The following TSPOAP1 variants were observed in gnomAD, a reference collection of about 807,000 sequenced individuals.
TSPOAP1 encodes the protein TSPO associated protein 1, also known as peripheral-type benzodiazepine receptor-associated protein 1.
Under a neutral mutation model 197.0 loss-of-function variants are expected in TSPOAP1, and 87 were observed. The ratio of observed to expected loss-of-function variants is 0.44; its 90% CI spans 0.37 to 0.53. The LOEUF is 0.53. Ranked by LOEUF, TSPOAP1 falls within the 20% of genes least tolerant of loss-of-function variation. TSPOAP1 has a pLI of 0.00. For missense variants in TSPOAP1, 2,174 were observed against 2,411.3 expected (o/e 0.90, Z 2.06); for synonymous variants, 913 against 998.9 (o/e 0.91, Z 1.62).
rs115818096 is a variant in TSPOAP1 at position 58,309,457 on chromosome 17, T to C, written c.3892-77A>G. ...TGGGGAAGAGGAGAGCGAGCTGCGA[T>C]CTTTGCCCTCAAACGAAGGCAGGGG... On this transcript the variant is annotated intron_variant, in intron 21 of 31. Transcript: ENST00000343736. This position sits in a 1 kb window ranked among gnomAD's most constrained non-coding sequence, Gnocchi z 5.0. 2,241 of 1,510,896 alleles carry C rather than the reference T, an allele frequency of 1.5e-3. 16 individuals carry two copies. In the African/African-American group the frequency reaches 0.023, roughly 16 times the overall value. 93.6% of individuals were successfully genotyped at this position (1,510,896 alleles called of 1,614,324 possible).
Position 58,309,314 on chromosome 17 carries a change from G to A in TSPOAP1, c.3958C>T (p.Pro1320Ser). The A allele has an allele frequency of 1.2e-6, 2 of 1,613,644 alleles. No individual in the cohort carries two copies. Among genetic ancestry groups the A allele is most frequent in the African/African-American group, 1.3e-5 (1 of 75,046 alleles). The change falls in exon 22 of 32, where the codon CCC (proline) becomes TCC (serine). Residue 1320 changes from proline (P) to serine (S), a missense_variant. Pro to Ser is a moderately conservative substitution (Grantham distance 74, BLOSUM62 -1). This residue lies in a region of TSPOAP1 where 1,933 missense variants were observed against 2,139.0 expected (regional missense o/e 0.90). Coordinates refer to ENST00000343736, the MANE Select transcript of TSPOAP1 (RefSeq NM_004758.4). The surrounding 1 kb of genome is among the most constrained non-coding windows in gnomAD (Gnocchi z 5.0). ...TTCTTGCTACAGAACTGCTGGAGGGGCAGCTCCAGGATCTGCTCCAAGATC... is the reference window on the plus strand; with the variant it reads ...TTCTTGCTACAGAACTGCTGGAGGGACAGCTCCAGGATCTGCTCCAAGATC... ...EEILEQILELPLQQFCSKKLF... is the reference protein window; with the variant it reads ...EEILEQILELSLQQFCSKKLF...
At chr17:58,318,553 C>T (rs1971308943) in intron 13 of TSPOAP1, 101 bp from the exon 14 acceptor site, 11 of 1,193,650 alleles carry the variant, frequency 9.2e-6, no homozygotes, top group East Asian at 2.6e-5. Flanking sequence ...CCTCCATAGC[C>T]GGGCTTCCTT....
intron 26 of TSPOAP1, among the ~76,000 whole-genome samples, chr17:58,306,121 C>T (rs920108520): frequency 1.6e-4 from 25 of 152,308 alleles, no homozygotes; most frequent in African/African-American, 5.8e-4. Context: ...TCATCCCCAC[C>T]GGAACAAAGC....
intron 16 of TSPOAP1, 61 bp downstream of exon 16, chr17:58,315,962 T>C: frequency 7.8e-7 from 1 of 1,287,062 alleles, no homozygotes; most frequent in Non-Finnish European, 1.1e-6. Context: ...GATATCCGTC[T>C]TTGGGAACAT....
rs1243809216 is a variant in TSPOAP1 at position 58,327,657 on chromosome 17, G to A, written c.264C>T (p.Gly88=). The change falls in exon 1 of 32, where the codon GGC becomes GGT. Residue 88 remains glycine (G), a synonymous_variant. Transcript: ENST00000343736. The stretch of plus-strand genomic sequence containing the variant: ...CGGGTCCAGAGCTGGATGCTTGCTG[G>A]CCCAGGCTGGGCAGACAAGCCTCTG... ...EGAEACLPSL[G]QQASSSGPAC... 6.2e-7 allele frequency: 1 copy of A among 1,613,668 alleles called. No homozygotes were observed. The highest frequency in any genetic ancestry group is 2.2e-5 in the East Asian group (1 of 44,880).
In TSPOAP1 at chr17:58,326,449, C is replaced by T. The variant is rs1385398920; in HGVS notation, c.442-28G>A. On this transcript the variant is annotated intron_variant, in intron 2 of 31. Coordinates refer to ENST00000343736, the MANE Select transcript of TSPOAP1 (RefSeq NM_004758.4). This position sits in a 1 kb window ranked among gnomAD's most constrained non-coding sequence, Gnocchi z 4.7. ...GACAAGGGGTCAGGCAGAATTGGGGCATGTAGGGAGCACCCCACAGACCCA... is the reference window on the plus strand; with the variant it reads ...GACAAGGGGTCAGGCAGAATTGGGGTATGTAGGGAGCACCCCACAGACCCA... 3 of 1,611,438 alleles carry T rather than the reference C, an allele frequency of 1.9e-6. No individual in the cohort carries two copies. The highest frequency in any genetic ancestry group is 8.5e-7 in the Non-Finnish European group (1 of 1,179,270).
In TSPOAP1 at chr17:58,320,272, G is replaced by C. The variant is rs953433537; in HGVS notation, c.1474-143C>G. ...CTGACTAGCAGTTCCTAAATGGAAGGATATCTCAGGGTGAAGGCAGCCTCT... is the reference window on the plus strand; with the variant it reads ...CTGACTAGCAGTTCCTAAATGGAAGCATATCTCAGGGTGAAGGCAGCCTCT... On this transcript the variant is annotated intron_variant, in intron 11 of 31. Transcript: ENST00000343736. The C allele has an allele frequency of 1.0e-5, 11 of 1,095,416 alleles. No individual in the cohort carries two copies. The Admixed American group carries it at 1.6e-4, about 16-fold the overall frequency. 67.9% of individuals were successfully genotyped at this position (1,095,416 alleles called of 1,614,324 possible). A position where few individuals can be genotyped will look rare whatever the true frequency, so the allele number is the denominator to read the frequency against.
intron 26 of TSPOAP1, 36 bp downstream of exon 26, chr17:58,306,306 C>T (rs1344538125): frequency 2.0e-6 from 3 of 1,538,350 alleles, no homozygotes; most frequent in African/African-American, 2.7e-5. Context: ...CACACACATC[C>T]TCCCAGCACC....
At position 58,309,043 on chromosome 17, in the gene TSPOAP1, C is replaced by A. The variant is rs1172847956; in HGVS notation, c.4229G>T (p.Gly1410Val). ...VGGSSRRRGGGSPEKPPSRRR... is the reference protein window; with the variant it reads ...VGGSSRRRGGVSPEKPPSRRR... ...GCGGCTTGGGGGCTTCTCAGGGGAG[C>A]CCCCTCCTCTCCTCCGGCTGCTTCC... Residue 1410 changes from glycine (G) to valine (V), a missense_variant, in exon 22 of 32, where the codon GGC becomes GTC. Coordinates refer to ENST00000343736, the MANE Select transcript of TSPOAP1 (RefSeq NM_004758.4). This position sits in a 1 kb window ranked among gnomAD's most constrained non-coding sequence, Gnocchi z 5.0. 3 of 1,610,798 alleles carry A rather than the reference C, an allele frequency of 1.9e-6. No homozygotes were observed. In the East Asian group the frequency reaches 6.7e-5, roughly 36 times the overall value.
intron 25 of TSPOAP1, 35 bp from the exon 26 acceptor site, chr17:58,306,448 G>C: frequency 6.5e-7 from 1 of 1,534,982 alleles, no homozygotes; most frequent in Non-Finnish European, 8.8e-7. Context: ...GCGAGGCAGG[G>C]GAGGTGGGAG....
rs764992704 is a variant in TSPOAP1, at chr17:58,312,086, G to A, written c.2735C>T (p.Ala912Val). The A allele has an allele frequency of 1.2e-6, 2 of 1,613,306 alleles. No homozygotes were observed. The highest frequency in any genetic ancestry group is 3.3e-5 in the Admixed American group (2 of 60,010). The change falls in exon 17 of 32, where the codon GCC (alanine) becomes GTC (valine). Residue 912 changes from alanine (A) to valine (V), a missense_variant. By Grantham distance (64) the Ala-to-Val change is moderately conservative. Coordinates refer to ENST00000343736, the MANE Select transcript of TSPOAP1 (RefSeq NM_004758.4). ...GCACTCTTCCCCATTGAGGTAGATG[G>A]CATGGGCCAAGTTGCTATTGCCGGG... ...WVPGNSNLAH[A>V]IYLNGEECPP...
At position 58,302,386 on chromosome 17, in the gene TSPOAP1, G is replaced by C. The variant is rs1283845625; in HGVS notation, c.*94C>G. On this transcript the variant is annotated 3_prime_UTR_variant, in exon 32 of 32. Coordinates refer to ENST00000343736, the MANE Select transcript of TSPOAP1 (RefSeq NM_004758.4). ...ACGTTCAATCCTGGGGGCGCTGCCA[G>C]AGCTGGGGGTACAAGGCCCACCTGG... 7.8e-7 allele frequency: 1 copy of C among 1,288,076 alleles called. No individual in the cohort carries two copies. Among genetic ancestry groups the C allele is most frequent in the East Asian group, 5.6e-5 (1 of 18,018 alleles). The allele number at this position is 1,288,076 out of a possible 1,614,324, so 79.8% of individuals were successfully genotyped here. A position where few individuals can be genotyped will look rare whatever the true frequency, so the allele number is the denominator to read the frequency against.
chr17:58,311,636 C>T lies in TSPOAP1; in HGVS notation c.3016G>A (p.Asp1006Asn). 2 of 1,611,218 alleles carry T rather than the reference C, an allele frequency of 1.2e-6. No individual in the cohort carries two copies. Among genetic ancestry groups the T allele is most frequent in the South Asian group, 1.1e-5 (1 of 90,826 alleles). Residue 1006 changes from aspartate to asparagine, a missense_variant, in exon 18 of 32, where the codon GAT becomes AAT. This residue lies in a region of TSPOAP1 where 1,933 missense variants were observed against 2,139.0 expected (regional missense o/e 0.90). Transcript: ENST00000343736. ...ACACCGTTGGATGTGCCAGCAGCAT[C>T]GATGGTGACTGGGAGCCAACTGATG... The part of the protein sequence containing the change: ...LIISWLPVTI[D>N]AAGTSNGVRV...
At chr17:58,321,689 A>T (rs1971409655) in intron 10 of TSPOAP1, among the ~76,000 whole-genome samples, 1 of 151,506 alleles carries the variant, frequency 6.6e-6, no homozygotes, top group Non-Finnish European at 1.5e-5. Flanking sequence ...GACAGCCACC[A>T]TCTCCCTCCC....
chr17:58,326,121 C>T lies in TSPOAP1; in HGVS notation c.570+172G>A, dbSNP rs530196590. Among the ~76,000 whole-genome samples, 1 of 152,284 alleles carries T rather than the reference C, an allele frequency of 6.6e-6. No individual in the cohort carries two copies. Among genetic ancestry groups the T allele is most frequent in the Non-Finnish European group, 1.5e-5 (1 of 68,028 alleles). The stretch of plus-strand genomic sequence containing the variant: ...CCCCTGCAGCTCCAGAAACCTTTGG[C>T]CTCCTTGCCTGGCCAGCCTCTGCCC... On this transcript the variant is annotated intron_variant, in intron 3 of 31. Coordinates refer to ENST00000343736, the MANE Select transcript of TSPOAP1 (RefSeq NM_004758.4). The surrounding 1 kb of genome is among the most constrained non-coding windows in gnomAD (Gnocchi z 4.7).
chr17:58,304,428 G>A lies in TSPOAP1; in HGVS notation c.5545-29C>T, dbSNP rs1332533426. 2.5e-6 allele frequency: 4 copies of A among 1,603,200 alleles called. No homozygotes were observed. Among genetic ancestry groups the A allele is most frequent in the African/African-American group, 1.3e-5 (1 of 74,826 alleles). On this transcript the variant is annotated intron_variant, in intron 30 of 31. Transcript: ENST00000343736. This position sits in a 1 kb window ranked among gnomAD's most constrained non-coding sequence, Gnocchi z 4.2. ...AGGACAGGGAACAAAGAGAGGAGAT[G>A]GGTTACCGACAGACCCGCACCTTCT... is the stretch of plus-strand genomic sequence containing the variant.
At position 58,311,726 on chromosome 17, in the gene TSPOAP1, G is replaced by A. The variant is rs781205388; in HGVS notation, c.2930-4C>T. On this transcript the variant is annotated splice_polypyrimidine_tract_variant and splice_region_variant and intron_variant, in intron 17 of 31. Coordinates refer to ENST00000343736, the MANE Select transcript of TSPOAP1 (RefSeq NM_004758.4). ...TCCAGAGGGGCATCAGGTGGGCCTG[G>A]GGGCAGGGGGGCACAAGACCCAGTG... 5.8e-6 allele frequency: 9 copies of A among 1,556,982 alleles called. No individual in the cohort carries two copies. Among genetic ancestry groups the A allele is most frequent in the Non-Finnish European group, 7.8e-6 (9 of 1,148,492 alleles).
At chr17:58,305,502 C>G in intron 28 of TSPOAP1, 38 bp downstream of exon 28, 1 of 1,611,804 alleles carries the variant, frequency 6.2e-7, no homozygotes, top group Non-Finnish European at 8.5e-7. Flanking sequence ...GAAGGCTCTG[C>G]CACCGCCCTT....
chr17:58,304,980 G>T lies in TSPOAP1; in HGVS notation c.5544+81C>A. 1 of 1,081,628 alleles carries T rather than the reference G, an allele frequency of 9.2e-7. No homozygotes were observed. Among genetic ancestry groups the T allele is most frequent in the Non-Finnish European group, 1.4e-6 (1 of 695,464 alleles). 67.0% of individuals were successfully genotyped at this position (1,081,628 alleles called of 1,614,324 possible). A position where few individuals can be genotyped will look rare whatever the true frequency, so the allele number is the denominator to read the frequency against. On this transcript the variant is annotated intron_variant, in intron 30 of 31. Transcript: ENST00000343736. The surrounding 1 kb of genome is among the most constrained non-coding windows in gnomAD (Gnocchi z 4.2). ...GCATGACCACCCCAGCTGCACCCCT[G>T]CCGCAACACTGCCCTGGCCCTACCA... is the stretch of plus-strand genomic sequence containing the variant.
Sources: allele counts gnomAD v4.1 joint callset (sites outside exome capture counted in the v4.1 genomes callset), GRCh38; gene constraint gnomAD v4.1.1; regional missense constraint gnomAD v4.1.1; non-coding constraint Gnocchi (gnomAD v3.1); transcripts MANE v1.5; gene names NCBI Gene and HGNC (gene_info 2026-07-23, HGNC 2026-07-21).